Variants in GKAP1 observed in about 807,000 individuals in gnomAD.
GKAP1 encodes the protein G kinase anchoring protein 1, also known as G kinase-anchoring protein 1.
Under a neutral mutation model 56.7 loss-of-function variants are expected in GKAP1, and 31 were observed. That is an observed-to-expected ratio of 0.55 (90% confidence interval 0.41 to 0.74). The LOEUF (loss-of-function observed/expected upper bound fraction) is 0.74. GKAP1 is among the 30% of genes least tolerant of loss of function. GKAP1 has a pLI of 0.00. For synonymous variants in GKAP1, 151 were observed against 138.6 expected, an observed-to-expected ratio of 1.09 and a Z score of -0.63; for missense variants, 364 against 402.3, an observed-to-expected ratio of 0.90 and a Z score of 0.82.
At chr9:83,782,522 C>A (rs1429544206) in intron 6 of GKAP1, among the ~76,000 whole-genome samples, 1 of 151,306 alleles carries the variant, frequency 6.6e-6, no homozygotes, top group African/African-American at 2.4e-5. Context: ...CTACGCCCAG[C>A]TAATTTTTTG....
At chr9:83,767,947 A>G (rs193187977) in intron 8 of GKAP1, among the ~76,000 whole-genome samples, 83 of 152,252 alleles carry the variant, frequency 5.5e-4, no homozygotes, top group African/African-American at 1.9e-3. Context: ...TCAGCCTCCC[A>G]AGTTCCTGGG....
intron 8 of GKAP1, among the ~76,000 whole-genome samples, chr9:83,758,086 T>C (rs967019092): frequency 6.6e-6 from 1 of 152,142 alleles, no homozygotes; most frequent in Non-Finnish European, 1.5e-5. Flanking sequence ...CTACCTAGCG[T>C]TGGTGCAGTT....
Position 83,806,813 on chromosome 9 carries a change from TCA to T in GKAP1, c.-43-255_-43-254del, listed in dbSNP as rs776843829. Among the ~76,000 whole-genome samples the T allele has an allele frequency of 2.0e-4, 31 of 152,334 alleles. 1 individual carries two copies. Among genetic ancestry groups the T allele is most frequent in the East Asian group, 1.2e-3 (6 of 5,192 alleles). The stretch of plus-strand genomic sequence containing the variant: ...ATTTTTCCATGTATACTTTAAAAAT[TCA>T]CAGTCTTCCTCTCTCAATCATTCTG... On this transcript the variant is annotated intron_variant, in intron 2 of 12. Coordinates refer to ENST00000376371, the MANE Select transcript of GKAP1 (RefSeq NM_025211.4).
chr9:83,768,048 T>C (rs1333561297), intron 8 of GKAP1, among the ~76,000 whole-genome samples: 13 of 152,174 alleles, frequency 8.5e-5, no homozygotes, highest in Admixed American at 7.9e-4. Flanking sequence ...ACAGTCCTTA[T>C]AATAACAGAC....
At chr9:83,752,407 C>G (rs1943405419) in intron 9 of GKAP1, among the ~76,000 whole-genome samples, 1 of 152,168 alleles carries the variant, frequency 6.6e-6, no homozygotes, top group South Asian at 2.1e-4. Context: ...CAGAGCGAGA[C>G]TCTGTCTCAC....
At position 83,802,355 on chromosome 9, in the gene GKAP1, T is replaced by C. The variant is rs141702479; in HGVS notation, c.217-3027A>G. 1.8e-3 allele frequency among the ~76,000 whole-genome samples: 259 copies of C among 146,366 alleles called. 1 individual carries two copies. The highest frequency in any genetic ancestry group is 6.3e-3 in the African/African-American group (242 of 38,532). On this transcript the variant is annotated intron_variant, in intron 3 of 12. Coordinates refer to ENST00000376371, the MANE Select transcript of GKAP1 (RefSeq NM_025211.4). ...TTAGCCAGGTGTGGTGGCACGTGCC[T>C]GTAGTCCCAGCTACTCGAGAGGCTG...
At position 83,803,792 on chromosome 9, in the gene GKAP1, C is replaced by T. The variant is rs866622516; in HGVS notation, c.216+2510G>A. On this transcript the variant is annotated intron_variant, in intron 3 of 12. Transcript: ENST00000376371. The stretch of plus-strand genomic sequence containing the variant: ...GGAGCGTCTCTGCCCGGCCGCCATC[C>T]CATCTAGGAAGTGAGGAGCGCCTCT... Among the ~76,000 whole-genome samples the T allele has an allele frequency of 2.0e-4, 30 of 151,182 alleles. No homozygotes were observed. The Middle Eastern group carries it at 0.01, about 52-fold the overall frequency.
At chr9:83,765,981 T>C (rs540316364) in intron 8 of GKAP1, among the ~76,000 whole-genome samples, 44 of 152,234 alleles carry the variant, frequency 2.9e-4, no homozygotes, top group South Asian at 1.2e-3. Flanking sequence ...GACATGAGAC[T>C]TGGGAGGGGC....
rs1014477031 is a variant in GKAP1 at position 83,768,829 on chromosome 9, C to T, written c.727G>A (p.Glu243Lys). 1.2e-6 allele frequency: 2 copies of T among 1,611,624 alleles called. No individual in the cohort carries two copies. The highest frequency in any genetic ancestry group is 1.3e-5 in the African/African-American group (1 of 74,956). Residue 243 changes from glutamate (E) to lysine (K), a missense_variant, in exon 8 of 13, where the codon GAA becomes AAA. Coordinates refer to ENST00000376371, the MANE Select transcript of GKAP1 (RefSeq NM_025211.4). The stretch of plus-strand genomic sequence containing the variant: ...TCTACTTTACATGCCTGGTTGTGTT[C>T]ATGAGCTGTACAATTATCTGTTCCA... ...YNGTDNCTAH[E>K]HNQEVVLKDG... is the part of the protein sequence containing the mutation.
Position 83,779,524 on chromosome 9 carries a change from CGTGT to C in GKAP1, c.585+854_585+857del, listed in dbSNP as rs1564201704. Among the ~76,000 whole-genome samples, 15 of 120,362 alleles carry C rather than the reference CGTGT, an allele frequency of 1.2e-4. 2 individuals are homozygous for C. The highest frequency in any genetic ancestry group is 4.3e-4 in the African/African-American group (13 of 30,292). The allele number at this position is 120,362 out of a possible 152,430, so 79.0% of individuals were successfully genotyped here. A position where few individuals can be genotyped will look rare whatever the true frequency, so the allele number is the denominator to read the frequency against. ...ACACATATATGTGTATATATATACACGTGTATATGTGTATATATATACACGTGTA... is the reference window on the plus strand; with the variant it reads ...ACACATATATGTGTATATATATACACATATGTGTATATATATACACGTGTA... On this transcript the variant is annotated intron_variant, in intron 7 of 12. Transcript: ENST00000376371.
intron 3 of GKAP1, among the ~76,000 whole-genome samples, chr9:83,801,271 C>T (rs977320954): frequency 1.3e-5 from 2 of 152,052 alleles, no homozygotes; most frequent in African/African-American, 4.8e-5. Context: ...CTAGAAGAGG[C>T]ATGGAAAGAT....
At chr9:83,795,595 T>TTA (rs1408583382) in intron 4 of GKAP1, among the ~76,000 whole-genome samples, 1 of 143,764 alleles carries the variant, frequency 7.0e-6, no homozygotes, top group Non-Finnish European at 1.6e-5. Flanking sequence ...TGTCTTTTTT[T>TTA]TTTTTTTTTT....
intron 4 of GKAP1, among the ~76,000 whole-genome samples, chr9:83,790,262 C>T (rs771411073): frequency 3.7e-4 from 57 of 152,182 alleles, no homozygotes; most frequent in Middle Eastern, 3.4e-3. Context: ...ATTATACATA[C>T]TTTATGGAAT....
chr9:83,774,701 C>CTTTTTTTTTTTTTTTTTT (rs1564199151), intron 7 of GKAP1, among the ~76,000 whole-genome samples: 1 of 100,942 alleles, frequency 9.9e-6, no homozygotes, highest in Non-Finnish European at 2.0e-5. Flanking sequence ...ACAGAAACCC[C>CTTTTTTTTTTTTTTTTTT]CTTTTTTTTT....
chr9:83,791,123 C>G (rs1944150685), intron 4 of GKAP1, among the ~76,000 whole-genome samples: 1 of 152,126 alleles, frequency 6.6e-6, no homozygotes, highest in Non-Finnish European at 1.5e-5. Context: ...AAATTTTAGG[C>G]CAGGCGTGGT....
At chr9:83,815,412 C>G (rs576121137) in intron 2 of GKAP1, among the ~76,000 whole-genome samples, 15 of 151,516 alleles carry the variant, frequency 9.9e-5, no homozygotes, top group African/African-American at 3.6e-4. Context: ...AAGCCCGACC[C>G]AAGCAGAAGA....
At chr9:83,756,470 C>CAAAAAAAAAAAAAAAAAAAAAAAAA (rs142896755) in intron 8 of GKAP1, among the ~76,000 whole-genome samples, 1 of 75,442 alleles carries the variant, frequency 1.3e-5, no homozygotes. Context: ...GACTCCATCT[C>CAAAAAAAAAAAAAAAAAAAAAAAAA]AAAAAAAAAA....
chr9:83,783,602 A>G (rs960466880), intron 6 of GKAP1, among the ~76,000 whole-genome samples: 1 of 152,196 alleles, frequency 6.6e-6, no homozygotes, highest in Non-Finnish European at 1.5e-5. Flanking sequence ...AATACAAATG[A>G]TACTATAAAC....
chr9:83,802,043 C>T (rs1333176167), intron 3 of GKAP1, among the ~76,000 whole-genome samples: 1 of 152,168 alleles, frequency 6.6e-6, no homozygotes, highest in Non-Finnish European at 1.5e-5. Context: ...ATATACCCAA[C>T]GGCTCCTTCT....
Sources: gnomAD v4.1 joint callset for allele counts (sites outside exome capture counted in the v4.1 genomes callset) on GRCh38, gnomAD v4.1.1 for gene constraint, MANE v1.5 for transcripts, NCBI Gene and HGNC (gene_info 2026-07-23, HGNC 2026-07-21) for gene names.